Variants in C8B observed in about 807,000 individuals in gnomAD.
C8B encodes the protein complement component C8 beta chain.
C8B carries 67 observed loss-of-function variants against 64.6 expected under a neutral mutation model. The observed-to-expected ratio is 1.04, with a 90% confidence interval of 0.85 to 1.27. C8B has a LOEUF of 1.27. Among genes scored for constraint, C8B ranks in the 50% most tolerant of loss-of-function variants. C8B has a pLI of 0.00. For synonymous variants in C8B, 284 were observed against 257.7 expected (o/e 1.10, Z -0.98); for missense variants, 790 against 725.2 (o/e 1.09, Z -1.03).
intron 3 of C8B, among the ~76,000 whole-genome samples, chr1:56,955,208 A>G (rs1399609026): frequency 6.6e-6 from 1 of 152,214 alleles, no homozygotes; most frequent in African/African-American, 2.4e-5. Context: ...TACCTATCCC[A>G]TAAGGTTGTT....
At position 56,956,994 on chromosome 1, in the gene C8B, A is replaced by G. The variant is rs1477212635; in HGVS notation, c.250-84T>C. Reference sequence around the variant, plus strand: ...GGATACTCTGTGTAAATGGGTCTTGAGCCAGGATTTGGGCTTCACAAGAGC... The same window carrying G: ...GGATACTCTGTGTAAATGGGTCTTGGGCCAGGATTTGGGCTTCACAAGAGC... On this transcript the variant is annotated intron_variant, in intron 2 of 11. Transcript: ENST00000371237. 3 of 1,521,922 alleles carry G rather than the reference A, an allele frequency of 2.0e-6. No homozygotes were observed. The African/African-American group carries it at 4.1e-5, about 21-fold the overall frequency. The allele number at this position is 1,521,922 out of a possible 1,614,324, so 94.3% of individuals were successfully genotyped here. A position where few individuals can be genotyped will look rare whatever the true frequency, so the allele number is the denominator to read the frequency against.
At chr1:56,948,310 G>A (rs958020672) in intron 6 of C8B, among the ~76,000 whole-genome samples, 5 of 152,220 alleles carry the variant, frequency 3.3e-5, no homozygotes, top group African/African-American at 1.2e-4. Context: ...AGAGGTAATA[G>A]GAGTTAGTGT....
At chr1:56,951,807 C>T (rs552581308) in intron 5 of C8B, among the ~76,000 whole-genome samples, 1 of 152,340 alleles carries the variant, frequency 6.6e-6, no homozygotes, top group Admixed American at 6.5e-5. Context: ...TTATTTCTAT[C>T]TTCAAGGTAG....
intron 7 of C8B, among the ~76,000 whole-genome samples, chr1:56,945,254 A>C (rs575648288): frequency 3.9e-5 from 6 of 152,336 alleles, no homozygotes; most frequent in Non-Finnish European, 8.8e-5. Flanking sequence ...GGAAAAATAG[A>C]AAATATAATT....
intron 9 of C8B, among the ~76,000 whole-genome samples, chr1:56,940,098 C>T (rs983467490): frequency 2.6e-5 from 4 of 151,926 alleles, no homozygotes; most frequent in Non-Finnish European, 5.9e-5. Flanking sequence ...CCCTTAGTAC[C>T]TTACTTCCTG....
chr1:56,962,200 G>A (rs933408676), intron 1 of C8B, among the ~76,000 whole-genome samples: 9 of 152,102 alleles, frequency 5.9e-5, no homozygotes, highest in South Asian at 2.1e-4. Flanking sequence ...GATCACTTAC[G>A]GAAAGAACTT....
At chr1:56,941,090 T>C (rs904204955) in intron 8 of C8B, 78 bp from the exon 9 acceptor site, 9 of 1,483,098 alleles carry the variant, frequency 6.1e-6, no homozygotes, top group African/African-American at 2.8e-5. Flanking sequence ...CAACCAACAA[T>C]TTGGGTACAC....
chr1:56,940,776 C>A, intron 9 of C8B, 73 bp downstream of exon 9: 2 of 1,564,102 alleles, frequency 1.3e-6, no homozygotes, highest in Admixed American at 1.7e-5. Flanking sequence ...GCATTTTATA[C>A]CTTGGCTCAT....
Position 56,946,024 on chromosome 1 carries a change from A to G in C8B, c.902T>C (p.Val301Ala), listed in dbSNP as rs1418822620. Reference sequence around the variant, plus strand: ...TCTGGGTTTCAGCTTGTAATGTGCTACTTCAAGGTCAGAGCGTGCATGCAG... The same window carrying G: ...TCTGGGTTTCAGCTTGTAATGTGCTGCTTCAAGGTCAGAGCGTGCATGCAG... ...VFLHARSDLE[V>A]AHYKLKPRSL... Residue 301 changes from valine to alanine, a missense_variant, in exon 7 of 12, where the codon GTA (valine) becomes GCA (alanine). Physicochemically the swap from Val to Ala is moderately conservative, Grantham distance 64 (BLOSUM62 0). Coordinates refer to ENST00000371237, the MANE Select transcript of C8B (RefSeq NM_000066.4). 1 of 1,614,158 alleles carries G rather than the reference A, an allele frequency of 6.2e-7. No individual in the cohort carries two copies. The highest frequency in any genetic ancestry group is 8.5e-7 in the Non-Finnish European group (1 of 1,180,014).
chr1:56,964,314 G>A (rs1426179628), intron 1 of C8B, among the ~76,000 whole-genome samples: 2 of 152,054 alleles, frequency 1.3e-5, no homozygotes, highest in African/African-American at 4.8e-5. Context: ...CCAATGCATT[G>A]TGGTGAGGAT....
At chr1:56,933,526 C>G (rs374104718) in intron 9 of C8B, 38 bp from the exon 10 acceptor site, 25 of 1,586,062 alleles carry the variant, frequency 1.6e-5, no homozygotes, top group Non-Finnish European at 2.1e-5. Flanking sequence ...AAGAGAAAAA[C>G]ATTTATCAAG....
At chr1:56,960,953 T>C (rs1176330401) in intron 1 of C8B, among the ~76,000 whole-genome samples, 2 of 151,902 alleles carry the variant, frequency 1.3e-5, no homozygotes, top group African/African-American at 4.8e-5. Context: ...ATGAGAGATT[T>C]GTGCTAGGTA....
intron 10 of C8B, among the ~76,000 whole-genome samples, chr1:56,932,260 T>A (rs1315463744): frequency 6.6e-6 from 1 of 152,214 alleles, no homozygotes; most frequent in African/African-American, 2.4e-5. Flanking sequence ...GATGGGGAAC[T>A]CATTACTCTT....
intron 2 of C8B, among the ~76,000 whole-genome samples, chr1:56,959,229 A>G (rs1645143162): frequency 1.3e-5 from 2 of 152,256 alleles, no homozygotes; most frequent in Non-Finnish European, 2.9e-5. Context: ...CAAACACCAC[A>G]TATTTATGAA....
chr1:56,946,629 G>C (rs1055839382), intron 6 of C8B, among the ~76,000 whole-genome samples: 1 of 152,182 alleles, frequency 6.6e-6, no homozygotes, highest in Non-Finnish European at 1.5e-5. Flanking sequence ...GTGTTGAATA[G>C]TTGCAACAGA....
intron 5 of C8B, 32 bp from the exon 6 acceptor site, chr1:56,949,784 T>C (rs773441906): frequency 3.4e-6 from 5 of 1,486,636 alleles, no homozygotes; most frequent in Non-Finnish European, 4.6e-6. Context: ...GTTTTTTATT[T>C]CATTTGACTC....
chr1:56,963,859 G>T (rs1051464355), intron 1 of C8B: 1 of 985,258 alleles, frequency 1.0e-6, no homozygotes, highest in Non-Finnish European at 1.2e-6. Context: ...CACAGTGATT[G>T]TGATTTCATC....
At chr1:56,945,727 A>C (rs1309151688) in intron 7 of C8B, 94 bp downstream of exon 7, 4 of 1,468,166 alleles carry the variant, frequency 2.7e-6, no homozygotes, top group Non-Finnish European at 3.8e-6. Flanking sequence ...GACACTGTGA[A>C]GGTGTAGCCA....
At chr1:56,940,233 T>C (rs546245530) in intron 9 of C8B, among the ~76,000 whole-genome samples, 161 of 152,204 alleles carry the variant, frequency 1.1e-3, no homozygotes, top group South Asian at 4.1e-3. Context: ...TAAATTTAAT[T>C]GATTAAATTT....
Sources: gnomAD v4.1 joint callset for allele counts (sites outside exome capture counted in the v4.1 genomes callset) on GRCh38, gnomAD v4.1.1 for gene constraint, MANE v1.5 for transcripts, NCBI Gene and HGNC (gene_info 2026-07-23, HGNC 2026-07-21) for gene names.